NEK5: variants seen among roughly 807,000 people sequenced by gnomAD.
The protein encoded by NEK5 is NIMA related kinase 5.
NEK5 carries 88 observed loss-of-function variants against 109.2 expected under a neutral mutation model. The observed-to-expected ratio is 0.81, with a 90% CI of 0.68 to 0.96. NEK5 has a LOEUF of 0.96. NEK5 is among the 40% of genes least tolerant of loss of function. The pLI, the probability that NEK5 is intolerant of heterozygous loss-of-function variation, is 0.00. For missense variants in NEK5, 834 were observed against 920.7 expected (o/e 0.91, Z 1.22); for synonymous variants, 283 against 299.9 (o/e 0.94, Z 0.58).
intron 1 of NEK5, chr13:52,128,789 G>A (rs1956118920): frequency 6.6e-6 from 1 of 152,308 alleles, no homozygotes; most frequent in Non-Finnish European, 1.5e-5. Context: ...GGCCGCCCCT[G>A]GAAGCGGCCG....
chr13:52,050,024 G>A (rs375619072), intron 23 of NEK5, 80 bp downstream of exon 23: 13 of 363,618 alleles, frequency 3.6e-5, no homozygotes, highest in Non-Finnish European at 5.0e-5. Context: ...GGTCTCAGTT[G>A]GCTATTTTGA....
intron 3 of NEK5, among the ~76,000 whole-genome samples, chr13:52,122,617 A>T (rs1301553222): frequency 6.6e-6 from 1 of 152,126 alleles, no homozygotes; most frequent in African/African-American, 2.4e-5. Flanking sequence ...AAATACAAAA[A>T]TTAGCCAGGC....
chr13:52,097,618 T>C (rs559032104), intron 12 of NEK5, among the ~76,000 whole-genome samples: 1 of 152,326 alleles, frequency 6.6e-6, no homozygotes, highest in South Asian at 2.1e-4. Context: ...TGTACCCTCA[T>C]TGTATTTTGG....
At chr13:52,118,056 T>G (rs996316315) in intron 4 of NEK5, among the ~76,000 whole-genome samples, 5 of 152,204 alleles carry the variant, frequency 3.3e-5, no homozygotes, top group Admixed American at 2.6e-4. Flanking sequence ...CCAAGAGCTC[T>G]TTTTAAATAC....
chr13:52,066,182 TAAGTA>T (rs1342075230), intron 20 of NEK5, among the ~76,000 whole-genome samples: 14 of 152,232 alleles, frequency 9.2e-5, no homozygotes, highest in Non-Finnish European at 1.5e-4. Flanking sequence ...TCCAGGTTAT[TAAGTA>T]TTCTTCTATA....
chr13:52,075,974 G>A, intron 18 of NEK5, 89 bp downstream of exon 18: 1 of 950,650 alleles, frequency 1.1e-6, no homozygotes, highest in South Asian at 1.5e-5. Flanking sequence ...TAAAATACTA[G>A]GGGGAAAATC....
intron 22 of NEK5, among the ~76,000 whole-genome samples, chr13:52,054,607 C>T (rs1370984341): frequency 1.3e-5 from 2 of 151,728 alleles, no homozygotes; most frequent in Non-Finnish European, 2.9e-5. Flanking sequence ...GATCTGAGAA[C>T]AGGCAGACTG....
rs1954445110 is a variant in NEK5 at position 52,045,128 on chromosome 13, ATCT to A, written c.2228+4973_2228+4975del. ...GTAGCATTTCAAATTAGAATAAAAAATCTTTTTTTTTTTTTTTTTTTGAGACGG... is the reference window on the plus strand; with the variant it reads ...GTAGCATTTCAAATTAGAATAAAAAATTTTTTTTTTTTTTTTTTGAGACGG... On this transcript the variant is annotated intron_variant, in intron 23 of 23. Coordinates refer to ENST00000684899, the MANE Select transcript of NEK5 (RefSeq NM_001365552.1). Among the ~76,000 whole-genome samples, 12 of 126,376 alleles carry A rather than the reference ATCT, an allele frequency of 9.5e-5. No homozygotes were observed. In the South Asian group the frequency reaches 2.7e-3, roughly 28 times the overall value. 82.9% of individuals were successfully genotyped at this position (126,376 alleles called of 152,430 possible). A position where few individuals can be genotyped will look rare whatever the true frequency, so the allele number is the denominator to read the frequency against.
Position 52,083,291 on chromosome 13 carries a change from T to G in NEK5, c.1541A>C (p.Gln514Pro), listed in dbSNP as rs1955052461. 1.2e-6 allele frequency: 2 copies of G among 1,613,434 alleles called. No homozygotes were observed. Among genetic ancestry groups the G allele is most frequent in the Non-Finnish European group, 1.7e-6 (2 of 1,179,328 alleles). Residue 514 changes from glutamine to proline, a missense_variant, in exon 17 of 24, where the codon CAA becomes CCA. By Grantham distance (76) the Gln-to-Pro change is moderately conservative (BLOSUM62 -1). Around this residue, in one of 2 missense-constraint regions of NEK5, gnomAD observed 777 missense variants for 824.7 expected, o/e 0.94. Transcript: ENST00000684899. Reference sequence around the variant, plus strand: ...AGGTGCTTCTCCCTCAGATGCATCTTGATGGACAGGCAGGTTACTCTTCTT... The same window carrying G: ...AGGTGCTTCTCCCTCAGATGCATCTGGATGGACAGGCAGGTTACTCTTCTT... The part of the protein sequence containing the change: ...LVKKSNLPVH[Q>P]DASEGEAPVQ...
At chr13:52,038,936 G>A (rs1954391449) in intron 23 of NEK5, among the ~76,000 whole-genome samples, 1 of 151,748 alleles carries the variant, frequency 6.6e-6, no homozygotes, top group African/African-American at 2.4e-5. Flanking sequence ...ATGGTTTTTG[G>A]TTATTGTTTT....
intron 17 of NEK5, among the ~76,000 whole-genome samples, chr13:52,081,468 C>T (rs890013429): frequency 9.9e-5 from 15 of 152,204 alleles, no homozygotes; most frequent in African/African-American, 2.9e-4. Flanking sequence ...ACTATAGTCT[C>T]GTGCCACCAT....
intron 17 of NEK5, among the ~76,000 whole-genome samples, chr13:52,077,717 C>G (rs1954894127): frequency 6.6e-6 from 1 of 152,132 alleles, no homozygotes; most frequent in Non-Finnish European, 1.5e-5. Flanking sequence ...ACTATATGAT[C>G]CATCCATCCC....
chr13:52,049,519 CA>C (rs1305408498), intron 23 of NEK5, among the ~76,000 whole-genome samples: 1 of 151,948 alleles, frequency 6.6e-6, no homozygotes, highest in Admixed American at 6.6e-5. Flanking sequence ...TCATTCCCAC[CA>C]AAATCCCAAC....
intron 17 of NEK5, among the ~76,000 whole-genome samples, chr13:52,081,907 C>T (rs1009616146): frequency 6.6e-6 from 1 of 152,166 alleles, no homozygotes; most frequent in Non-Finnish European, 1.5e-5. Flanking sequence ...CCTACTGGCA[C>T]CTTTAAATGA....
At chr13:52,080,863 G>T (rs911048901) in intron 17 of NEK5, among the ~76,000 whole-genome samples, 5 of 145,218 alleles carry the variant, frequency 3.4e-5, no homozygotes, top group African/African-American at 1.3e-4. Context: ...ATACCCCTCT[G>T]CGAGAAACAC....
intron 1 of NEK5, among the ~76,000 whole-genome samples, 186 bp from the exon 2 acceptor site, chr13:52,127,848 C>T (rs374427399): frequency 3.3e-5 from 5 of 152,284 alleles, no homozygotes; most frequent in African/African-American, 7.2e-5. Context: ...TCCGGTGTTT[C>T]GCACCTTTAT....
rs1218800449 is a variant in NEK5 at position 52,036,024 on chromosome 13, A to G, written c.*924T>C. On this transcript the variant is annotated 3_prime_UTR_variant, in exon 24 of 24. Transcript: ENST00000684899. ...AATTTATTATCTTAACAGTTCTGCAAGTCAGAAGTATGAAATTGAACTCAC... is the reference window on the plus strand; with the variant it reads ...AATTTATTATCTTAACAGTTCTGCAGGTCAGAAGTATGAAATTGAACTCAC... The G allele has an allele frequency of 1.3e-5, 2 of 152,216 alleles. No homozygotes were observed. The highest frequency in any genetic ancestry group is 2.9e-5 in the Non-Finnish European group (2 of 68,050). 9.4% of individuals were successfully genotyped at this position (152,216 alleles called of 1,614,324 possible). A position where few individuals can be genotyped will look rare whatever the true frequency, so the allele number is the denominator to read the frequency against.
At chr13:52,104,621 A>AAG (rs1414919427) in intron 8 of NEK5, 69 bp from the exon 9 acceptor site, 1 of 1,063,600 alleles carries the variant, frequency 9.4e-7, no homozygotes, top group East Asian at 2.4e-5. Flanking sequence ...TTATCCTTAC[A>AAG]GTGCCTTAAA....
At chr13:52,066,005 A>G (rs1343181852) in intron 20 of NEK5, among the ~76,000 whole-genome samples, 1 of 107,956 alleles carries the variant, frequency 9.3e-6, no homozygotes, top group African/African-American at 2.6e-5. Flanking sequence ...AAAATCAGGT[A>G]GGTAGAAGAA....
Sources: allele counts gnomAD v4.1 joint callset (sites outside exome capture counted in the v4.1 genomes callset), GRCh38; gene constraint gnomAD v4.1.1; regional missense constraint gnomAD v4.1.1; transcripts MANE v1.5; gene names NCBI Gene and HGNC (gene_info 2026-07-23, HGNC 2026-07-21).